TWF2: variants seen among roughly 807,000 people sequenced by gnomAD.
TWF2 encodes twinfilin actin binding protein 2.
TWF2 carries 15 observed loss-of-function variants against 45.1 expected under a neutral mutation model. The ratio of observed to expected loss-of-function variants is 0.33; its 90% CI spans 0.22 to 0.51. TWF2 has a LOEUF of 0.51. TWF2 is among the 20% of genes least tolerant of loss of function. The pLI is 0.97. For synonymous variants in TWF2, 177 were observed against 195.8 expected, an observed-to-expected ratio of 0.90 and a Z score of 0.80; for missense variants, 423 against 469.1, an observed-to-expected ratio of 0.90 and a Z score of 0.91.
intron 1 of TWF2, 67 bp downstream of exon 1, chr3:52,238,925 G>A: frequency 2.1e-6 from 3 of 1,405,780 alleles, no homozygotes; most frequent in Non-Finnish European, 1.8e-6. Context: ...GAGGGGCCGA[G>A]AGCCGGGGGG....
intron 6 of TWF2, among the ~76,000 whole-genome samples, chr3:52,230,410 T>C (rs963142628): frequency 3.3e-5 from 5 of 152,216 alleles, no homozygotes; most frequent in Admixed American, 1.3e-4. Flanking sequence ...GCAAGGCCTC[T>C]GGCGGAAGCA....
chr3:52,237,744 G>A (rs1214750806), intron 1 of TWF2, among the ~76,000 whole-genome samples: 1 of 152,214 alleles, frequency 6.6e-6, no homozygotes, highest in Non-Finnish European at 1.5e-5. Flanking sequence ...GCCCATCTGG[G>A]AGCCCTGGCC....
intron 2 of TWF2, among the ~76,000 whole-genome samples, chr3:52,232,625 G>A (rs1470167518): frequency 6.6e-6 from 1 of 152,192 alleles, no homozygotes; most frequent in Non-Finnish European, 1.5e-5. Flanking sequence ...GGACCTACAG[G>A]GGTAAAAGCC....
At chr3:52,238,669 G>A (rs1012012875) in intron 1 of TWF2, among the ~76,000 whole-genome samples, 1 of 152,170 alleles carries the variant, frequency 6.6e-6, no homozygotes, top group African/African-American at 2.4e-5. Flanking sequence ...ACTGTACACG[G>A]AAGACGTGTG....
chr3:52,235,090 C>T lies in TWF2; in HGVS notation c.42G>A (p.Lys14=), dbSNP rs147135379. ...QTGIHATEEL[K]EFFAKARAGS... Reference sequence around the variant, plus strand: ...CAGCCCGTGCCTTGGCAAAGAATTCCTTCAGCTCTTCCGTGGCTATAAGAA... The same window carrying T: ...CAGCCCGTGCCTTGGCAAAGAATTCTTTCAGCTCTTCCGTGGCTATAAGAA... The change falls in exon 2 of 9, where the codon AAG becomes AAA. Residue 14 remains lysine (K), a synonymous_variant. Coordinates refer to ENST00000305533, the MANE Select transcript of TWF2 (RefSeq NM_007284.4). 65 of 1,613,872 alleles carry T rather than the reference C, an allele frequency of 4.0e-5. No homozygotes were observed. The highest frequency in any genetic ancestry group is 4.0e-4 in the African/African-American group (30 of 74,940).
At chr3:52,229,617 A>T in intron 8 of TWF2, 44 bp downstream of exon 8, 3 of 1,603,536 alleles carry the variant, frequency 1.9e-6, no homozygotes, top group Non-Finnish European at 2.6e-6. Context: ...TGGAGATTGG[A>T]GTGATAGGGC....
intron 1 of TWF2, among the ~76,000 whole-genome samples, chr3:52,236,992 G>C (rs1699731579): frequency 6.6e-6 from 1 of 152,178 alleles, no homozygotes. Flanking sequence ...GTGGTGAGGG[G>C]TAAATGGGAG....
intron 4 of TWF2, 58 bp downstream of exon 4, chr3:52,231,386 A>G (rs919793943): frequency 5.0e-6 from 8 of 1,596,886 alleles, no homozygotes; most frequent in African/African-American, 1.3e-5. Flanking sequence ...GACCCTGCAC[A>G]GTGACCCCTC....
chr3:52,233,801 C>A lies in TWF2; in HGVS notation c.103+1228G>T, dbSNP rs537952762. On this transcript the variant is annotated intron_variant, in intron 2 of 8. Coordinates refer to ENST00000305533, the MANE Select transcript of TWF2 (RefSeq NM_007284.4). ...CAGTGGTGGTCGCCTGTAGTCCCAG[C>A]TACTCGGGAGGCTGAGGCAGGAGAA... 4.0e-5 allele frequency among the ~76,000 whole-genome samples: 6 copies of A among 151,410 alleles called. No homozygotes were observed. The South Asian group carries it at 1.2e-3, about 32-fold the overall frequency.
In TWF2 at chr3:52,230,859, C is replaced by T; in HGVS notation, c.609+11G>A. ...TGGCAGCATGTGCCAGGGTAGGGAG[C>T]AGGCACCCACCATCTGGATGTAGTT... On this transcript the variant is annotated intron_variant, in intron 6 of 8. Coordinates refer to ENST00000305533, the MANE Select transcript of TWF2 (RefSeq NM_007284.4). 6.2e-7 allele frequency: 1 copy of T among 1,609,932 alleles called. No individual in the cohort carries two copies. Among genetic ancestry groups the T allele is most frequent in the African/African-American group, 1.3e-5 (1 of 74,946 alleles).
In TWF2 at chr3:52,229,218, A is replaced by C. The variant is rs1699654404; in HGVS notation, c.883-17T>G. 6.2e-7 allele frequency: 1 copy of C among 1,608,022 alleles called. No individual in the cohort carries two copies. The highest frequency in any genetic ancestry group is 1.3e-5 in the African/African-American group (1 of 75,008). On this transcript the variant is annotated splice_polypyrimidine_tract_variant and intron_variant, in intron 8 of 8. Transcript: ENST00000305533. ...AATCTCAATCTGCATGGGGCAAGGC[A>C]GTGGTCACCCCAATGGGAGGGGCTC... is the stretch of plus-strand genomic sequence containing the variant.
rs2107299967 is a variant in TWF2, at chr3:52,229,068, A to G, written c.1016T>C (p.Ile339Thr). ...ATCCCCATTTTCACCCGGGCCGCGG[A>G]TGAGGCGCTTATGGCCCCGCTTGCC... ...PGGKRGHKRLIRGPGENGDDS is the reference protein window; with the variant it reads ...PGGKRGHKRLTRGPGENGDDS Residue 339 changes from isoleucine to threonine, a missense_variant, in exon 9 of 9, where the codon ATC (isoleucine) becomes ACC (threonine). Coordinates refer to ENST00000305533, the MANE Select transcript of TWF2 (RefSeq NM_007284.4). 6.2e-7 allele frequency: 1 copy of G among 1,612,670 alleles called. No individual in the cohort carries two copies. The highest frequency in any genetic ancestry group is 8.5e-7 in the Non-Finnish European group (1 of 1,180,004).
At chr3:52,235,230 T>G (rs1414908872) in intron 1 of TWF2, 124 bp from the exon 2 acceptor site, 1 of 924,310 alleles carries the variant, frequency 1.1e-6, no homozygotes, top group Non-Finnish European at 1.6e-6. Flanking sequence ...CAGCCCCCCA[T>G]GTGACTGGGA....
At chr3:52,236,654 T>C (rs368467183) in intron 1 of TWF2, among the ~76,000 whole-genome samples, 18 of 152,178 alleles carry the variant, frequency 1.2e-4, no homozygotes, top group African/African-American at 4.3e-4. Flanking sequence ...CAAACTCTGG[T>C]TATGTCCTCA....
At position 52,229,530 on chromosome 3, in the gene TWF2, G is replaced by A. The variant is rs567780316; in HGVS notation, c.882+131C>T. The A allele has an allele frequency of 6.3e-5, 92 of 1,454,896 alleles. 1 individual carries two copies. In the South Asian group the frequency reaches 1.2e-3, roughly 19 times the overall value. The allele number at this position is 1,454,896 out of a possible 1,614,324, so 90.1% of individuals were successfully genotyped here. On this transcript the variant is annotated intron_variant, in intron 8 of 8. Coordinates refer to ENST00000305533, the MANE Select transcript of TWF2 (RefSeq NM_007284.4). ...CTTGGGCCATGCGTGTTGCTCCTTG[G>A]GCCTCAGATGCCCTATGATCAACAC...
Position 52,238,198 on chromosome 3 carries a change from G to T in TWF2, c.25+794C>A, listed in dbSNP as rs182382967. Reference sequence around the variant, plus strand: ...CTCTCCCCACAAAACCCCATATCTGGACCTCTTCTCTGTCTGCAGCCTGGA... The same window carrying T: ...CTCTCCCCACAAAACCCCATATCTGTACCTCTTCTCTGTCTGCAGCCTGGA... On this transcript the variant is annotated intron_variant, in intron 1 of 8. Coordinates refer to ENST00000305533, the MANE Select transcript of TWF2 (RefSeq NM_007284.4). 3.5e-4 allele frequency among the ~76,000 whole-genome samples: 53 copies of T among 152,280 alleles called. 1 individual carries two copies. The highest frequency in any genetic ancestry group is 4.6e-4 in the Non-Finnish European group (31 of 68,018).
rs1308642085 is a variant in TWF2, at chr3:52,239,135, T to A, written c.-119A>T. On this transcript the variant is annotated 5_prime_UTR_variant, in exon 1 of 9. The change creates a new upstream start codon in the 5' untranslated region. Transcript: ENST00000305533. The stretch of plus-strand genomic sequence containing the variant: ...CGGAGGCTGTCGACCCTCGCGCAGC[T>A]TCCCGGGCGGTGCCGCAGGACCCGC... The A allele has an allele frequency of 2.3e-6, 3 of 1,288,124 alleles. No individual in the cohort carries two copies. The highest frequency in any genetic ancestry group is 3.0e-6 in the Non-Finnish European group (3 of 993,356). 79.8% of individuals were successfully genotyped at this position (1,288,124 alleles called of 1,614,324 possible).
At chr3:52,230,123 C>A in intron 6 of TWF2, 53 bp from the exon 7 acceptor site, 3 of 1,492,690 alleles carry the variant, frequency 2.0e-6, no homozygotes, top group Admixed American at 2.2e-5. Flanking sequence ...TGGGCCCAGG[C>A]CCCTCTCCCC....
chr3:52,232,717 G>A (rs1429499200), intron 2 of TWF2, among the ~76,000 whole-genome samples: 2 of 152,186 alleles, frequency 1.3e-5, no homozygotes, highest in East Asian at 1.9e-4. Flanking sequence ...CAGTCCCCTC[G>A]AAAATGTCAC....
Sources: gnomAD v4.1 joint callset for allele counts (sites outside exome capture counted in the v4.1 genomes callset) on GRCh38, gnomAD v4.1.1 for gene constraint, MANE v1.5 for transcripts, NCBI Gene and HGNC (gene_info 2026-07-23, HGNC 2026-07-21) for gene names.